Variants in EP300 observed in about 807,000 individuals in gnomAD.
EP300 encodes the protein histone acetyltransferase p300.
A neutral mutation model predicts 264.0 loss-of-function variants in EP300; 31 were observed. The observed-to-expected ratio is 0.12, with a 90% CI of 0.09 to 0.16. EP300 has a LOEUF of 0.16. Among genes scored for constraint, EP300 ranks in the 10% least tolerant of loss-of-function variants. EP300 has a pLI of 1.00. For missense variants in EP300, 2,766 were observed against 3,052.9 expected (o/e 0.91, Z 2.21); for synonymous variants, 1,340 against 1,045.4 (o/e 1.28, Z -5.44).
At chr22:41,118,123 A>C (rs548822825) in intron 2 of EP300, among the ~76,000 whole-genome samples, 2 of 152,304 alleles carry the variant, frequency 1.3e-5, no homozygotes, top group East Asian at 3.9e-4. Context: ...TTATAAAATT[A>C]CAGTTTTGAG....
In EP300 at chr22:41,179,643, A is replaced by T. The variant is rs2059228921; in HGVS notation, c.*687A>T. On this transcript the variant is annotated 3_prime_UTR_variant, in exon 31 of 31. Transcript: ENST00000263253. ...AACTTCAAGTATTAAAATAATTTGT[A>T]CATGTAGAGAGAAAAATGACTTTTT... is the stretch of plus-strand genomic sequence containing the variant. 4.5e-6 allele frequency: 1 copy of T among 224,186 alleles called. No individual in the cohort carries two copies. The highest frequency in any genetic ancestry group is 8.9e-6 in the Non-Finnish European group (1 of 112,518). The allele number at this position is 224,186 out of a possible 1,614,324, so 13.9% of individuals were successfully genotyped here.
chr22:41,153,051 C>A (rs9623335), intron 16 of EP300, among the ~76,000 whole-genome samples: 212 of 152,216 alleles, frequency 1.4e-3, no homozygotes, highest in African/African-American at 4.8e-3. Context: ...CTACCACACC[C>A]GGCCTCATTT....
At position 41,092,903 on chromosome 22, in the gene EP300, C is replaced by A; in HGVS notation, c.-102C>A. On this transcript the variant is annotated 5_prime_UTR_variant, in exon 1 of 31. Coordinates refer to ENST00000263253, the MANE Select transcript of EP300 (RefSeq NM_001429.4). ...CCCACCCCCTCGGGTGCCGTCGGAGCCCCCCAGCCCACCCCTGGGTGCGGC... is the reference window on the plus strand; with the variant it reads ...CCCACCCCCTCGGGTGCCGTCGGAGACCCCCAGCCCACCCCTGGGTGCGGC... 7.6e-7 allele frequency: 1 copy of A among 1,313,314 alleles called. No individual in the cohort carries two copies. The highest frequency in any genetic ancestry group is 1.1e-6 in the Non-Finnish European group (1 of 907,792). 81.4% of individuals were successfully genotyped at this position (1,313,314 alleles called of 1,614,324 possible).
At chr22:41,150,783 C>T (rs1446871890) in intron 14 of EP300, among the ~76,000 whole-genome samples, 90 of 151,196 alleles carry the variant, frequency 6.0e-4, no homozygotes, top group Admixed American at 5.7e-3. Flanking sequence ...CCCAGCTACT[C>T]GGGAGACTGA....
intron 1 of EP300, among the ~76,000 whole-genome samples, chr22:41,112,580 T>A (rs1454760886): frequency 6.6e-6 from 1 of 152,218 alleles, no homozygotes; most frequent in Non-Finnish European, 1.5e-5. Flanking sequence ...CCTGGATTCC[T>A]GGGATTATCC....
intron 27 of EP300, among the ~76,000 whole-genome samples, chr22:41,171,711 A>C (rs1044359415): frequency 6.6e-6 from 1 of 151,024 alleles, no homozygotes; most frequent in Non-Finnish European, 1.5e-5. Context: ...TCCTGGGTTC[A>C]AGTGATGGTC....
chr22:41,152,159 C>G, intron 15 of EP300, 47 bp from the exon 16 acceptor site: 1 of 1,599,708 alleles, frequency 6.3e-7, no homozygotes, highest in South Asian at 1.1e-5. Context: ...TACTGATTCC[C>G]AACTAGATAT....
At chr22:41,163,736 G>A in intron 21 of EP300, among the ~76,000 whole-genome samples, 1 of 151,970 alleles carries the variant, frequency 6.6e-6, no homozygotes, top group Non-Finnish European at 1.5e-5. Context: ...GACACAGAGA[G>A]ACTCCATCTC....
intron 7 of EP300, 134 bp from the exon 8 acceptor site, chr22:41,137,519 C>T (rs2058958561): frequency 1.7e-6 from 2 of 1,176,464 alleles, no homozygotes; most frequent in African/African-American, 1.5e-5. Context: ...ACACTTCTCC[C>T]TGCCTAGCTC....
Position 41,131,815 on chromosome 22 carries a change from T to C in EP300, c.1528+182T>C, listed in dbSNP as rs185494434. Among the ~76,000 whole-genome samples, 236 of 152,334 alleles carry C rather than the reference T, an allele frequency of 1.5e-3. 3 individuals carry two copies. Among genetic ancestry groups the C allele is most frequent in the African/African-American group, 5.5e-3 (230 of 41,578 alleles). ...ACGAGAGGTAACTGCCACTGGTTTGTATCTTCCTTGATCCTTTTTTGCATT... is the reference window on the plus strand; with the variant it reads ...ACGAGAGGTAACTGCCACTGGTTTGCATCTTCCTTGATCCTTTTTTGCATT... On this transcript the variant is annotated intron_variant, in intron 6 of 30. Transcript: ENST00000263253.
At chr22:41,151,776 T>G in intron 14 of EP300, 57 bp from the exon 15 acceptor site, 1 of 1,547,478 alleles carries the variant, frequency 6.5e-7, no homozygotes, top group Non-Finnish European at 8.9e-7. Flanking sequence ...ACATTCTGAT[T>G]GTATCGTTGG....
intron 29 of EP300, among the ~76,000 whole-genome samples, chr22:41,175,049 C>A (rs2059192361): frequency 6.6e-6 from 1 of 151,750 alleles, no homozygotes; most frequent in African/African-American, 2.4e-5. Context: ...TTCCTGAGTT[C>A]TAATACGTTA....
intron 5 of EP300, 88 bp from the exon 6 acceptor site, chr22:41,131,297 CAAT>C (rs2058917756): frequency 1.5e-6 from 2 of 1,378,972 alleles, no homozygotes; most frequent in Admixed American, 1.7e-5. Flanking sequence ...AATCACGTAA[CAAT>C]AATTTTGTGG....
chr22:41,162,717 C>A lies in EP300; in HGVS notation c.3672-6C>A, dbSNP rs1569113273. ...TTTTCTCATTGTGTCCCTTTTCTCT[C>A]CTTAGTACAATAAATAAAGAACAAT... On this transcript the variant is annotated splice_polypyrimidine_tract_variant and splice_region_variant and intron_variant, in intron 20 of 30. Coordinates refer to ENST00000263253, the MANE Select transcript of EP300 (RefSeq NM_001429.4). The A allele has an allele frequency of 6.2e-7, 1 of 1,608,422 alleles. No homozygotes were observed.
chr22:41,097,182 A>C (rs926050284), intron 1 of EP300, among the ~76,000 whole-genome samples: 1 of 152,224 alleles, frequency 6.6e-6, no homozygotes, highest in Non-Finnish European at 1.5e-5. Context: ...ATTATTCTCA[A>C]GGCCTTGTAA....
chr22:41,156,743 T>C (rs144617366), intron 17 of EP300, among the ~76,000 whole-genome samples: 141 of 152,064 alleles, frequency 9.3e-4, no homozygotes, highest in African/African-American at 3.3e-3. Flanking sequence ...GTCAAGTGCT[T>C]CCAGGGGCAA....
At chr22:41,167,618 ATATATATATATAT>A (rs2059145406) in intron 23 of EP300, among the ~76,000 whole-genome samples, 1 of 51,796 alleles carries the variant, frequency 1.9e-5, no homozygotes, top group Non-Finnish European at 4.4e-5. Flanking sequence ...ATATATATAT[ATATATATATATAT>A]ATATAATGTT....
chr22:41,141,080 C>A lies in EP300; in HGVS notation c.1911C>A (p.Ile637=), dbSNP rs1271497250. ...ACTACCACCTTCTAGCTGAGAAAAT[C>A]TATAAGATCCAGAAAGAACTAGAAG... The part of the protein sequence containing the change: ...AEYYHLLAEK[I]YKIQKELEEK... Residue 637 remains isoleucine (I), a synonymous_variant, in exon 10 of 31, where the codon ATC becomes ATA. Transcript: ENST00000263253. 1.2e-6 allele frequency: 2 copies of A among 1,614,010 alleles called. No homozygotes were observed. The highest frequency in any genetic ancestry group is 1.3e-5 in the African/African-American group (1 of 75,008).
rs1457410385 is a variant in EP300, at chr22:41,099,419, G to T, written c.94+6321G>T. Among the ~76,000 whole-genome samples the T allele has an allele frequency of 2.0e-5, 3 of 152,086 alleles. No individual in the cohort carries two copies. The East Asian group carries it at 5.8e-4, about 29-fold the overall frequency. On this transcript the variant is annotated intron_variant, in intron 1 of 30. Transcript: ENST00000263253. ...ATCTCCAGTGGATACCTGAAACCCT[G>T]TATAGTAGTGAATATAATTGTCATC...
Sources: allele counts gnomAD v4.1 joint callset (sites outside exome capture counted in the v4.1 genomes callset), GRCh38; gene constraint gnomAD v4.1.1; transcripts MANE v1.5; gene names NCBI Gene and HGNC (gene_info 2026-07-23, HGNC 2026-07-21).